The following UBE3B variants were observed in gnomAD, a reference collection of about 807,000 sequenced individuals.
UBE3B encodes ubiquitin-protein ligase E3B.
A neutral mutation model predicts 132.3 loss-of-function variants in UBE3B; 80 were observed. That is an observed-to-expected ratio of 0.60 (90% confidence interval 0.50 to 0.73). The LOEUF (loss-of-function observed/expected upper bound fraction) is 0.73, where lower values mean the gene tolerates loss of function less well. UBE3B is among the 30% of genes least tolerant of loss of function. UBE3B has a pLI of 0.00. For missense variants in UBE3B, 1,196 were observed against 1,362.5 expected (o/e 0.88, Z 1.92); for synonymous variants, 487 against 520.4 (o/e 0.94, Z 0.87).
the UBE3B span, among the ~76,000 whole-genome samples, chr12:109,545,755 G>A: frequency 7.2e-5 from 11 of 152,158 alleles, no homozygotes; most frequent in Admixed American, 2.6e-4. Flanking sequence ...TACCCTTGCC[G>A]GGGATGCTGC....
At chr12:109,507,992 C>T (rs973134685) in intron 15 of UBE3B, among the ~76,000 whole-genome samples, 4 of 152,154 alleles carry the variant, frequency 2.6e-5, no homozygotes, top group African/African-American at 9.7e-5. Context: ...GGCTTGGGGT[C>T]TCCTGGAGAT....
chr12:109,490,086 A>G (rs140255043), intron 8 of UBE3B, 82 bp downstream of exon 8: 1 of 1,360,154 alleles, frequency 7.4e-7, no homozygotes, highest in East Asian at 2.3e-5. Context: ...CATTCAGCAT[A>G]CCTGGTGTCC....
the UBE3B span, among the ~76,000 whole-genome samples, chr12:109,544,560 C>T: frequency 5.3e-5 from 8 of 152,174 alleles, no homozygotes; most frequent in African/African-American, 1.2e-4. Flanking sequence ...TTGGGTAAGT[C>T]GGCCCTCAGC....
At chr12:109,513,520 A>G (rs538519197) in intron 18 of UBE3B, among the ~76,000 whole-genome samples, 9 of 152,314 alleles carry the variant, frequency 5.9e-5, no homozygotes, top group Admixed American at 5.9e-4. Flanking sequence ...GGACATAAAT[A>G]TTTGGGACCT....
chr12:109,495,501 G>T (rs1268529709), intron 9 of UBE3B, among the ~76,000 whole-genome samples: 2 of 152,130 alleles, frequency 1.3e-5, no homozygotes, highest in Non-Finnish European at 2.9e-5. Context: ...AGCTTGGTCG[G>T]GGAGACCCTA....
chr12:109,523,954 A>G (rs749549306), intron 21 of UBE3B, 24 bp from the exon 22 acceptor site: 1 of 1,613,020 alleles, frequency 6.2e-7, no homozygotes, highest in South Asian at 1.1e-5. Flanking sequence ...GCTGATGGAC[A>G]GCTCTGCTTC....
intron 9 of UBE3B, among the ~76,000 whole-genome samples, chr12:109,495,426 A>C (rs1269783239): frequency 6.6e-6 from 1 of 152,190 alleles, no homozygotes; most frequent in Non-Finnish European, 1.5e-5. Flanking sequence ...TTATTCATTT[A>C]AAGCATACCA....
In UBE3B at chr12:109,483,870, T is replaced by C; in HGVS notation, c.171T>C (p.Ile57=). 1 of 1,610,712 alleles carries C rather than the reference T, an allele frequency of 6.2e-7. No homozygotes were observed. The highest frequency in any genetic ancestry group is 8.5e-7 in the Non-Finnish European group (1 of 1,178,676). Residue 57 remains isoleucine, a synonymous_variant, in exon 4 of 28, where the codon ATT becomes ATC. Transcript: ENST00000342494. ...GCACTTTCTTTTCTAGGAGAGAGAT[T>C]GATGACTTTTTTAAAGCAGATGACC... ...SRLQRDIRRE[I]DDFFKADDPE...
In UBE3B at chr12:109,509,638, C is replaced by T. The variant is rs1248076586; in HGVS notation, c.1665C>T (p.Phe555=). ...DIEVYEEQIS[F]KLEELVTISS... The stretch of plus-strand genomic sequence containing the variant: ...AAGTTTATGAAGAACAGATTTCATT[C>T]AAACTGGAAGAGCTGGTCACTATCT... Residue 555 remains phenylalanine, a synonymous_variant, in exon 16 of 28, where the codon TTC becomes TTT. Transcript: ENST00000342494. The T allele has an allele frequency of 6.2e-7, 1 of 1,610,570 alleles. No individual in the cohort carries two copies. Among genetic ancestry groups the T allele is most frequent in the Non-Finnish European group, 8.5e-7 (1 of 1,179,272 alleles).
chr12:109,486,055 C>T lies in UBE3B; in HGVS notation c.326C>T (p.Ala109Val). The T allele has an allele frequency of 6.4e-7, 1 of 1,556,422 alleles. No homozygotes were observed. Among genetic ancestry groups the T allele is most frequent in the Non-Finnish European group, 8.7e-7 (1 of 1,149,414 alleles). ...LCRSILSSMD[A>V]ENEPKVWYVS... is the part of the protein sequence containing the mutation. ...CGCAGCATCCTGAGCAGCATGGATG[C>T]TGAGAATGAGCCTAAGGTAAGTGGA... Residue 109 changes from alanine to valine, a missense_variant, in exon 5 of 28, where the codon GCT becomes GTT. Transcript: ENST00000342494.
intron 18 of UBE3B, among the ~76,000 whole-genome samples, chr12:109,513,331 TGAG>T (rs765635423): frequency 9.8e-5 from 15 of 152,350 alleles, no homozygotes; most frequent in Admixed American, 2.6e-4. Context: ...TTTAAATTTC[TGAG>T]GAGAACACAG....
chr12:109,487,356 GT>G (rs1247577240), intron 6 of UBE3B, among the ~76,000 whole-genome samples: 2 of 152,198 alleles, frequency 1.3e-5, no homozygotes, highest in Non-Finnish European at 2.9e-5. Context: ...GGATAGAGAG[GT>G]CTCAGGGACA....
At chr12:109,528,683 G>A (rs11067099) in intron 24 of UBE3B, among the ~76,000 whole-genome samples, 10,239 of 151,504 alleles carry the variant, frequency 0.068, 372 homozygotes, top group South Asian at 0.11. Context: ...GTGAAACTCC[G>A]TCTCTACTAA....
intron 7 of UBE3B, among the ~76,000 whole-genome samples, chr12:109,488,898 T>C (rs1876958065): frequency 6.6e-6 from 1 of 152,216 alleles, no homozygotes; most frequent in South Asian, 2.1e-4. Flanking sequence ...TTTAAAGTCA[T>C]GGTTCTTCTG....
chr12:109,533,056 G>A (rs566374091), intron 26 of UBE3B, among the ~76,000 whole-genome samples: 9 of 152,212 alleles, frequency 5.9e-5, no homozygotes, highest in South Asian at 4.1e-4. Context: ...CGCCCTCACC[G>A]TCTCCCATTT....
At chr12:109,533,404 A>G in intron 26 of UBE3B, 62 bp from the exon 27 acceptor site, 3 of 1,437,976 alleles carry the variant, frequency 2.1e-6, no homozygotes, top group Non-Finnish European at 2.9e-6. Flanking sequence ...CACAGCTGCA[A>G]GGGCCCGTCC....
In UBE3B at chr12:109,511,240, CAG is replaced by C. The variant is rs771727612; in HGVS notation, c.1894_1895del (p.Arg632GlyfsTer67). ...KPSVLFQELD[R>X]DRKRAQLILQ... Reference sequence around the variant, plus strand: ...CTAGCGTGCTCTTCCAAGAACTCGACAGGGACAGAAAACGGGCACAGTTGATC... The same window carrying C: ...CTAGCGTGCTCTTCCAAGAACTCGACGGACAGAAAACGGGCACAGTTGATC... On this transcript the variant is annotated frameshift_variant, in exon 18 of 28. Transcript: ENST00000342494. LOFTEE classifies it high-confidence loss of function. The C allele has an allele frequency of 5.6e-6, 9 of 1,614,074 alleles. No individual in the cohort carries two copies. Among genetic ancestry groups the C allele is most frequent in the Non-Finnish European group, 7.6e-6 (9 of 1,180,032 alleles).
chr12:109,521,684 A>G lies in UBE3B; in HGVS notation c.2364+133A>G. Reference sequence around the variant, plus strand: ...GATACAAGCGAGGACAGGGGCAGGAACCAAGGTTTGTTGTACACCAGTGCT... The same window carrying G: ...GATACAAGCGAGGACAGGGGCAGGAGCCAAGGTTTGTTGTACACCAGTGCT... On this transcript the variant is annotated intron_variant, in intron 21 of 27. Transcript: ENST00000342494. The surrounding 1 kb of genome is among the most constrained non-coding windows in gnomAD (Gnocchi z 4.2). 1.3e-6 allele frequency: 1 copy of G among 791,032 alleles called. No individual in the cohort carries two copies. Among genetic ancestry groups the G allele is most frequent in the Non-Finnish European group, 1.9e-6 (1 of 528,764 alleles). The allele number at this position is 791,032 out of a possible 1,614,324, so 49.0% of individuals were successfully genotyped here.
chr12:109,515,012 C>T (rs1880837814), intron 18 of UBE3B, among the ~76,000 whole-genome samples: 1 of 151,796 alleles, frequency 6.6e-6, no homozygotes, highest in African/African-American at 2.4e-5. Context: ...CTACCGGGTT[C>T]ACGCCATTCT....
Sources: gnomAD v4.1 joint callset for allele counts (sites outside exome capture counted in the v4.1 genomes callset) on GRCh38, gnomAD v4.1.1 for gene constraint, Gnocchi (gnomAD v3.1) non-coding constraint, MANE v1.5 for transcripts, NCBI Gene and HGNC (gene_info 2026-07-23, HGNC 2026-07-21) for gene names.